The following CFAP77 variants were observed in gnomAD, a reference collection of about 807,000 sequenced individuals.
CFAP77 encodes the protein cilia- and flagella-associated protein 77.
CFAP77 carries 25 observed loss-of-function variants against 31.1 expected under a neutral mutation model. The ratio of observed to expected loss-of-function variants is 0.80; its 90% CI spans 0.59 to 1.12. The LOEUF is 1.12. Among genes scored for constraint, CFAP77 ranks in the 50% most tolerant of loss-of-function variants. The probability of loss-of-function intolerance (pLI) is 0.00; values close to 1 mark genes in which losing one functional copy is unlikely to be tolerated. For synonymous variants in CFAP77, 151 were observed against 159.9 expected (o/e 0.94, Z 0.42); for missense variants, 377 against 397.3 (o/e 0.95, Z 0.44).
chr9:132,540,166 G>A lies in CFAP77; in HGVS notation c.630+2460G>A, dbSNP rs556641802. Among the ~76,000 whole-genome samples, 11 of 152,130 alleles carry A rather than the reference G, an allele frequency of 7.2e-5. No individual in the cohort carries two copies. In the East Asian group the frequency reaches 1.6e-3, roughly 21 times the overall value. On this transcript the variant is annotated intron_variant, in intron 4 of 5. Coordinates refer to ENST00000393216, the MANE Select transcript of CFAP77 (RefSeq NM_001282957.2). ...GCTGGTCTTAAACTCCTAACCTCAC[G>A]TGATCCACCCACCTCAGCCTCCCAA...
At chr9:132,412,006 A>G (rs1275244648) in intron 1 of CFAP77, among the ~76,000 whole-genome samples, 1 of 152,160 alleles carries the variant, frequency 6.6e-6, no homozygotes, top group Non-Finnish European at 1.5e-5. Flanking sequence ...GTATGTACAT[A>G]TATGTAAATT....
In CFAP77 at chr9:132,498,731, C is replaced by T; in HGVS notation, c.232C>T (p.Leu78=). The T allele has an allele frequency of 6.2e-7, 1 of 1,612,806 alleles. No homozygotes were observed. Residue 78 remains leucine (L), a synonymous_variant, in exon 2 of 6, where the codon CTG becomes TTG. Transcript: ENST00000393216. This position sits in a 1 kb window ranked among gnomAD's most constrained non-coding sequence, Gnocchi z 4.2. The part of the protein sequence containing the change: ...LGKPRERSYS[L]PGINFNYGLY... ...CAAGCCCCGGGAAAGAAGCTACAGTCTGCCCGGCATTAATTTTAATTATGG... is the reference window on the plus strand; with the variant it reads ...CAAGCCCCGGGAAAGAAGCTACAGTTTGCCCGGCATTAATTTTAATTATGG...
chr9:132,534,886 CA>C (rs1167966071), intron 3 of CFAP77, among the ~76,000 whole-genome samples: 4 of 152,346 alleles, frequency 2.6e-5, no homozygotes, highest in African/African-American at 9.6e-5. Flanking sequence ...CTGTCTTTGG[CA>C]AATTTGGGCT....
chr9:132,542,864 C>G, intron 4 of CFAP77, 82 bp from the exon 5 acceptor site: 1 of 1,105,400 alleles, frequency 9.0e-7, no homozygotes, highest in Non-Finnish European at 1.4e-6. Context: ...GAATCCCAGC[C>G]CTCTGTCTCT....
chr9:132,551,703 C>T (rs950572868), intron 5 of CFAP77, among the ~76,000 whole-genome samples: 1 of 152,194 alleles, frequency 6.6e-6, no homozygotes, highest in Non-Finnish European at 1.5e-5. Flanking sequence ...GGCTAAGGCT[C>T]GGAAGCTTAA....
rs1010278989 is a variant in CFAP77, at chr9:132,573,286, C to A, written c.*776C>A. 6.6e-6 allele frequency: 1 copy of A among 152,198 alleles called. No homozygotes were observed. Among genetic ancestry groups the A allele is most frequent in the Non-Finnish European group, 1.5e-5 (1 of 68,058 alleles). 9.4% of individuals were successfully genotyped at this position (152,198 alleles called of 1,614,324 possible). The stretch of plus-strand genomic sequence containing the variant: ...TTCTCTCTGAAAATTTTATGCTGAT[C>A]TATTTTAAATTAAAAATGCTATTTG... On this transcript the variant is annotated 3_prime_UTR_variant, in exon 6 of 6. Coordinates refer to ENST00000393216, the MANE Select transcript of CFAP77 (RefSeq NM_001282957.2).
rs1208283829 is a variant in CFAP77, at chr9:132,495,006, C to T, written c.196-3689C>T. On this transcript the variant is annotated intron_variant, in intron 1 of 5. Transcript: ENST00000393216. The surrounding 1 kb of genome is among the most constrained non-coding windows in gnomAD (Gnocchi z 4.2). ...GCACTCTGCTTCCCACATCAAATAC[C>T]CTGGTGAACATGACTGCCATTGCTT... 6.6e-6 allele frequency among the ~76,000 whole-genome samples: 1 copy of T among 152,168 alleles called. No homozygotes were observed. Among genetic ancestry groups the T allele is most frequent in the Non-Finnish European group, 1.5e-5 (1 of 68,026 alleles).
chr9:132,417,365 G>A (rs888605107), intron 1 of CFAP77, among the ~76,000 whole-genome samples: 8 of 151,734 alleles, frequency 5.3e-5, no homozygotes, highest in African/African-American at 9.7e-5. Context: ...CGCCCACCTC[G>A]GCCTCCCAAA....
intron 1 of CFAP77, among the ~76,000 whole-genome samples, chr9:132,486,384 G>T (rs905171694): frequency 6.6e-6 from 1 of 151,832 alleles, no homozygotes; most frequent in East Asian, 1.9e-4. Flanking sequence ...GAGCCACCGC[G>T]CCCGGCCCAC....
chr9:132,425,350 T>TC (rs1235128005), intron 1 of CFAP77, among the ~76,000 whole-genome samples: 4 of 152,148 alleles, frequency 2.6e-5, no homozygotes, highest in Admixed American at 6.5e-5. Context: ...TGTTTTCTCC[T>TC]CCCCCACTCC....
intron 1 of CFAP77, among the ~76,000 whole-genome samples, chr9:132,486,092 T>TTC (rs1851551665): frequency 2.0e-5 from 1 of 50,800 alleles, no homozygotes; most frequent in Non-Finnish European, 3.6e-5. Flanking sequence ...ATATATATAT[T>TTC]TTTTTTTTTT....
chr9:132,415,373 G>A (rs185844232), intron 1 of CFAP77, among the ~76,000 whole-genome samples: 34 of 151,614 alleles, frequency 2.2e-4, no homozygotes, highest in East Asian at 5.8e-4. Flanking sequence ...TAACCCCCCC[G>A]CCCAGCTCCG....
intron 3 of CFAP77, among the ~76,000 whole-genome samples, chr9:132,505,410 G>A (rs947272385): frequency 1.3e-5 from 2 of 152,146 alleles, no homozygotes; most frequent in Non-Finnish European, 2.9e-5. Context: ...CACTAAATCG[G>A]AAGGGTGCAT....
intron 3 of CFAP77, among the ~76,000 whole-genome samples, chr9:132,535,830 T>C (rs934850631): frequency 3.3e-5 from 5 of 152,188 alleles, no homozygotes; most frequent in African/African-American, 1.2e-4. Flanking sequence ...TTATTTGGGG[T>C]AGATGCTAAT....
chr9:132,511,587 G>A lies in CFAP77; in HGVS notation c.524+11987G>A, dbSNP rs1852040453. Among the ~76,000 whole-genome samples the A allele has an allele frequency of 6.6e-6, 1 of 152,222 alleles. No individual in the cohort carries two copies. Among genetic ancestry groups the A allele is most frequent in the Non-Finnish European group, 1.5e-5 (1 of 68,044 alleles). On this transcript the variant is annotated intron_variant, in intron 3 of 5. Coordinates refer to ENST00000393216, the MANE Select transcript of CFAP77 (RefSeq NM_001282957.2). The surrounding 1 kb of genome is among the most constrained non-coding windows in gnomAD (Gnocchi z 5.8). ...AGATTGCTCAAATGCAGTGCGTCCT[G>A]GATTTTGGGAACAGGCACTATTCTA...
chr9:132,486,419 C>A (rs1199755920), intron 1 of CFAP77, among the ~76,000 whole-genome samples: 1 of 152,068 alleles, frequency 6.6e-6, no homozygotes, highest in Non-Finnish European at 1.5e-5. Context: ...TCAGAGGCAT[C>A]ATCGCTTTTA....
In CFAP77 at chr9:132,450,135, G is replaced by T. The variant is rs187949690; in HGVS notation, c.195+39669G>T. ...TTAGTAGAGACGGGGTTTCATCGTGGTAGCCAGGATGGTCCTGATCTCCTG... is the reference window on the plus strand; with the variant it reads ...TTAGTAGAGACGGGGTTTCATCGTGTTAGCCAGGATGGTCCTGATCTCCTG... On this transcript the variant is annotated intron_variant, in intron 1 of 5. Coordinates refer to ENST00000393216, the MANE Select transcript of CFAP77 (RefSeq NM_001282957.2). 5.7e-3 allele frequency among the ~76,000 whole-genome samples: 857 copies of T among 151,648 alleles called. 4 individuals are homozygous for T. Among genetic ancestry groups the T allele is most frequent in the Admixed American group, 8.6e-3 (131 of 15,206 alleles).
intron 4 of CFAP77, 38 bp from the exon 5 acceptor site, chr9:132,542,908 G>A (rs749798662): frequency 1.1e-5 from 17 of 1,530,136 alleles, no homozygotes; most frequent in Middle Eastern, 3.4e-4. Flanking sequence ...CCAAGTAGCC[G>A]GGCAACCATC....
chr9:132,541,054 G>C (rs1317150254), intron 4 of CFAP77, among the ~76,000 whole-genome samples: 2 of 152,148 alleles, frequency 1.3e-5, no homozygotes, highest in African/African-American at 4.8e-5. Context: ...CTGTGGTCTG[G>C]GGTTGATAGA....
Sources: gnomAD v4.1 joint callset for allele counts (sites outside exome capture counted in the v4.1 genomes callset) on GRCh38, gnomAD v4.1.1 for gene constraint, Gnocchi (gnomAD v3.1) non-coding constraint, MANE v1.5 for transcripts, NCBI Gene and HGNC (gene_info 2026-07-23, HGNC 2026-07-21) for gene names.